The following C19orf44 variants were observed in gnomAD, a reference collection of about 807,000 sequenced individuals.
C19orf44 encodes the protein chromosome 19 open reading frame 44.
C19orf44 carries 43 observed loss-of-function variants against 50.7 expected under a neutral mutation model. The ratio of observed to expected loss-of-function variants is 0.85; its 90% CI spans 0.66 to 1.09. The LOEUF is 1.09. C19orf44 is among the 50% of genes least tolerant of loss of function. The pLI is 0.00. For synonymous variants in C19orf44, 298 were observed against 334.7 expected (o/e 0.89, Z 1.20); for missense variants, 722 against 836.2 (o/e 0.86, Z 1.68).
At chr19:16,511,493 G>A (rs532673284) in intron 5 of C19orf44, among the ~76,000 whole-genome samples, 1 of 152,292 alleles carries the variant, frequency 6.6e-6, no homozygotes, top group African/African-American at 2.4e-5. Flanking sequence ...TGGCCTTCGG[G>A]CATTTCTCTC....
At chr19:16,504,256 C>T (rs2093433897) in intron 3 of C19orf44, among the ~76,000 whole-genome samples, 2 of 152,126 alleles carry the variant, frequency 1.3e-5, no homozygotes, top group African/African-American at 4.8e-5. Context: ...CACAGAGAAC[C>T]CCACACTCCT....
At chr19:16,501,588 TATTTA>T (rs2093425756) in intron 2 of C19orf44, 37 bp downstream of exon 2, 2 of 1,272,310 alleles carry the variant, frequency 1.6e-6, no homozygotes, top group African/African-American at 1.6e-5. Flanking sequence ...TATTTTAATT[TATTTA>T]ATTTAATTTT....
chr19:16,507,890 G>A lies in C19orf44; in HGVS notation c.1149+1116G>A, dbSNP rs200284686. Among the ~76,000 whole-genome samples the A allele has an allele frequency of 1.5e-3, 221 of 150,914 alleles. 7 individuals are homozygous for A. In the East Asian group the frequency reaches 0.037, roughly 25 times the overall value. On this transcript the variant is annotated intron_variant, in intron 4 of 8. Coordinates refer to ENST00000221671, the MANE Select transcript of C19orf44 (RefSeq NM_032207.4). ...GTGATCTCAGCTCACTGCAAGCTCC[G>A]CCTCCTGGGTTCACACCATTCTCCT...
rs374368678 is a variant in C19orf44, at chr19:16,519,141, G to A, written c.*41-953G>A. The A allele has an allele frequency of 1.3e-5, 21 of 1,606,244 alleles. No individual in the cohort carries two copies. The highest frequency in any genetic ancestry group is 1.7e-4 in the Middle Eastern group (1 of 6,060). ...AGCCGGCACCGCTGGCCACCGGCGC[G>A]GCTCCCGGCATGGGCGCCTACTTAC... On this transcript the variant is annotated intron_variant, in intron 8 of 8. Transcript: ENST00000221671. The surrounding 1 kb of genome is among the most constrained non-coding windows in gnomAD (Gnocchi z 6.0).
In C19orf44 at chr19:16,519,548, G is replaced by C; in HGVS notation, c.*41-546G>C. 2 of 1,406,118 alleles carry C rather than the reference G, an allele frequency of 1.4e-6. No individual in the cohort carries two copies. Among genetic ancestry groups the C allele is most frequent in the Admixed American group, 1.7e-5 (1 of 59,130 alleles). The allele number at this position is 1,406,118 out of a possible 1,614,324, so 87.1% of individuals were successfully genotyped here. A position where few individuals can be genotyped will look rare whatever the true frequency, so the allele number is the denominator to read the frequency against. On this transcript the variant is annotated intron_variant, in intron 8 of 8. Coordinates refer to ENST00000221671, the MANE Select transcript of C19orf44 (RefSeq NM_032207.4). The surrounding 1 kb of genome is among the most constrained non-coding windows in gnomAD (Gnocchi z 6.0). ...CCATCCCCACATGCACTGAGGAAGA[G>C]AAAGCGCTGGTGACTCCCGGGCCCA...
intron 7 of C19orf44, among the ~76,000 whole-genome samples, chr19:16,515,315 C>A (rs193239244): frequency 1.3e-5 from 2 of 152,068 alleles, no homozygotes. Flanking sequence ...GAGCTGAGAT[C>A]GTGCCACTGC....
intron 5 of C19orf44, among the ~76,000 whole-genome samples, chr19:16,510,370 C>T (rs1334584665): frequency 6.6e-6 from 1 of 152,136 alleles, no homozygotes; most frequent in African/African-American, 2.4e-5. Context: ...CCCTGCACTC[C>T]AGCCTGGGTG....
In C19orf44 at chr19:16,514,669, C is replaced by T. The variant is rs748205322; in HGVS notation, c.1902+6C>T. The T allele has an allele frequency of 1.9e-5, 30 of 1,559,082 alleles. No homozygotes were observed. Among genetic ancestry groups the T allele is most frequent in the Admixed American group, 5.8e-5 (3 of 51,838 alleles). Reference sequence around the variant, plus strand: ...CCCTGGAGGAAGCCAAAGAGGTGAGCGCAGCTCCCCATGGGCAGGGGCAGG... The same window carrying T: ...CCCTGGAGGAAGCCAAAGAGGTGAGTGCAGCTCCCCATGGGCAGGGGCAGG... On this transcript the variant is annotated splice_donor_region_variant and intron_variant, in intron 7 of 8. Coordinates refer to ENST00000221671, the MANE Select transcript of C19orf44 (RefSeq NM_032207.4).
In C19orf44 at chr19:16,519,506, A is replaced by T. The variant is rs2085586705; in HGVS notation, c.*41-588A>T. ...GTCTAGAGGGTCTGGGTGGAGTCAG[A>T]ACCGGCCTGACTCCATCCATCCCCA... On this transcript the variant is annotated intron_variant, in intron 8 of 8. Transcript: ENST00000221671. The surrounding 1 kb of genome is among the most constrained non-coding windows in gnomAD (Gnocchi z 6.0). 5.6e-6 allele frequency: 7 copies of T among 1,254,740 alleles called. No individual in the cohort carries two copies. The highest frequency in any genetic ancestry group is 8.1e-6 in the Non-Finnish European group (7 of 868,682). The allele number at this position is 1,254,740 out of a possible 1,614,324, so 77.7% of individuals were successfully genotyped here.
chr19:16,512,133 CTG>C (rs2093459172), intron 5 of C19orf44, among the ~76,000 whole-genome samples: 1 of 151,482 alleles, frequency 6.6e-6, no homozygotes, highest in Non-Finnish European at 1.5e-5. Context: ...TGAGTGGTGT[CTG>C]TTTCTCAGGA....
intron 2 of C19orf44, 77 bp from the exon 3 acceptor site, chr19:16,502,986 CAA>C (rs61130725): frequency 8.7e-4 from 1,020 of 1,178,212 alleles, no homozygotes; most frequent in African/African-American, 1.2e-3. Flanking sequence ...GACCCTTTCT[CAA>C]AAAAAAAAAA....
intron 5 of C19orf44, among the ~76,000 whole-genome samples, chr19:16,510,719 A>C (rs1291646290): frequency 6.6e-6 from 1 of 152,050 alleles, no homozygotes; most frequent in African/African-American, 2.4e-5. Flanking sequence ...GTGACTTTCC[A>C]GATATTTCTC....
chr19:16,506,833 TTTAAATTTTTAA>T, intron 4 of C19orf44, 59 bp downstream of exon 4: 2 of 1,302,614 alleles, frequency 1.5e-6, no homozygotes, highest in East Asian at 2.5e-5. Flanking sequence ...CATTTTTTTT[TTTAAATTTTTAA>T]AAAATTTAAA....
intron 8 of C19orf44, chr19:16,518,559 T>C (rs2085570970): frequency 6.6e-6 from 1 of 152,546 alleles, no homozygotes; most frequent in Non-Finnish European, 1.5e-5. Context: ...TCAGTATTCT[T>C]CTTTCTAGAC....
rs779883633 is a variant in C19orf44 at position 16,503,343 on chromosome 19, C to CG, written c.1039dup (p.Glu347GlyfsTer8). ...GAAGGAGTGAGGCTGAGACTGTGGA[C>CG]GAGCCAGTCTCAGAAGGTGCTGATG... On this transcript the variant is annotated frameshift_variant, in exon 3 of 9. Coordinates refer to ENST00000221671, the MANE Select transcript of C19orf44 (RefSeq NM_032207.4). LOFTEE classifies it high-confidence loss of function. 6.3e-7 allele frequency: 1 copy of CG among 1,580,916 alleles called. No homozygotes were observed.
In C19orf44 at chr19:16,519,713, G is replaced by A. The variant is rs1188412547; in HGVS notation, c.*41-381G>A. On this transcript the variant is annotated intron_variant, in intron 8 of 8. Coordinates refer to ENST00000221671, the MANE Select transcript of C19orf44 (RefSeq NM_032207.4). This position sits in a 1 kb window ranked among gnomAD's most constrained non-coding sequence, Gnocchi z 6.0. Reference sequence around the variant, plus strand: ...CGAATTAGAACCCAGACCAGCAGAGGAACTAAAATCGAGACAGGTTATTCT... The same window carrying A: ...CGAATTAGAACCCAGACCAGCAGAGAAACTAAAATCGAGACAGGTTATTCT... The A allele has an allele frequency of 3.1e-6, 5 of 1,612,648 alleles. No homozygotes were observed. Among genetic ancestry groups the A allele is most frequent in the South Asian group, 1.1e-5 (1 of 91,032 alleles).
Position 16,520,169 on chromosome 19 carries a change from C to G in C19orf44, c.*116C>G. ...CTTACGGCGGGGTGGGGCTCCTGGA[C>G]CGTGACCGGCGTCTTCTTCCTGGGG... On this transcript the variant is annotated 3_prime_UTR_variant, in exon 9 of 9. Coordinates refer to ENST00000221671, the MANE Select transcript of C19orf44 (RefSeq NM_032207.4). The surrounding 1 kb of genome is among the most constrained non-coding windows in gnomAD (Gnocchi z 4.0). 6.2e-7 allele frequency: 1 copy of G among 1,612,608 alleles called. No individual in the cohort carries two copies. The highest frequency in any genetic ancestry group is 8.5e-7 in the Non-Finnish European group (1 of 1,179,970).
At chr19:16,518,364 C>A (rs964776794) in intron 8 of C19orf44, 2 of 152,050 alleles carry the variant, frequency 1.3e-5, no homozygotes, top group Non-Finnish European at 2.9e-5. Flanking sequence ...GGCACAGACT[C>A]CGAGGCAGCG....
intron 4 of C19orf44, among the ~76,000 whole-genome samples, chr19:16,509,282 C>T (rs74823584): frequency 0.011 from 1,713 of 152,214 alleles, 15 homozygotes; most frequent in Non-Finnish European, 0.019. Flanking sequence ...CCTAAGCATG[C>T]GTCACACCAT....
Sources: allele counts gnomAD v4.1 joint callset (sites outside exome capture counted in the v4.1 genomes callset), GRCh38; gene constraint gnomAD v4.1.1; non-coding constraint Gnocchi (gnomAD v3.1); transcripts MANE v1.5; gene names NCBI Gene and HGNC (gene_info 2026-07-23, HGNC 2026-07-21).